The following CORIN variants were observed in gnomAD, a reference collection of about 807,000 sequenced individuals.
The protein encoded by CORIN is corin, serine peptidase.
In CORIN, 117 loss-of-function variants were observed where a neutral mutation model predicts 125.3. That is an observed-to-expected ratio of 0.93 (90% CI 0.80 to 1.09). The LOEUF (loss-of-function observed/expected upper bound fraction) is 1.09, where lower values mean the gene tolerates loss of function less well. CORIN is among the 50% of genes least tolerant of loss of function. The pLI, the probability that CORIN is intolerant of heterozygous loss-of-function variation, is 0.00. For synonymous variants in CORIN, 450 were observed against 466.4 expected (o/e 0.96, Z 0.45); for missense variants, 1,253 against 1,306.7 (o/e 0.96, Z 0.63).
chr4:47,652,025 T>C (rs1178874588), intron 13 of CORIN, among the ~76,000 whole-genome samples: 1 of 152,214 alleles, frequency 6.6e-6, no homozygotes, highest in Non-Finnish European at 1.5e-5. Context: ...AGATAATCTA[T>C]TTTAAATTGC....
chr4:47,831,173 G>A (rs1022450093), intron 1 of CORIN, among the ~76,000 whole-genome samples: 2 of 152,210 alleles, frequency 1.3e-5, no homozygotes, highest in Non-Finnish European at 2.9e-5. Context: ...CAACCAGCCT[G>A]ATTAAGCATT....
At chr4:47,617,923 T>C (rs1722131289) in intron 19 of CORIN, among the ~76,000 whole-genome samples, 1 of 152,064 alleles carries the variant, frequency 6.6e-6, no homozygotes, top group South Asian at 2.1e-4. Context: ...TGTTTAGAAA[T>C]AGGTGGAAGA....
At chr4:47,757,867 CATATATATATGTATATAT>C (rs1209511820) in intron 4 of CORIN, among the ~76,000 whole-genome samples, 1 of 91,746 alleles carries the variant, frequency 1.1e-5, no homozygotes, top group African/African-American at 4.9e-5. Context: ...CATATATATA[CATATATATATGTATATAT>C]ATATATATAT....
chr4:47,598,934 C>T (rs1326350582), intron 21 of CORIN, among the ~76,000 whole-genome samples: 2 of 152,154 alleles, frequency 1.3e-5, no homozygotes, highest in African/African-American at 2.4e-5. Context: ...AAGATATGGG[C>T]TTCCAAATAC....
chr4:47,766,479 G>A (rs181500704), intron 3 of CORIN, among the ~76,000 whole-genome samples: 2 of 152,052 alleles, frequency 1.3e-5, no homozygotes, highest in Admixed American at 6.5e-5. Flanking sequence ...CCAGAATGTC[G>A]TCACATGGCC....
intron 5 of CORIN, among the ~76,000 whole-genome samples, chr4:47,734,103 T>C (rs1360809911): frequency 6.6e-6 from 1 of 152,104 alleles, no homozygotes. Flanking sequence ...CCTGGGGGAC[T>C]GGATTTAAAA....
chr4:47,812,056 A>G (rs1057350185), intron 1 of CORIN, among the ~76,000 whole-genome samples: 5 of 152,224 alleles, frequency 3.3e-5, no homozygotes, highest in Non-Finnish European at 5.9e-5. Flanking sequence ...TTGTATTTTA[A>G]TCTCTTCATC....
intron 17 of CORIN, among the ~76,000 whole-genome samples, chr4:47,625,682 ATATT>A (rs1435718869): frequency 2.6e-5 from 4 of 152,160 alleles, no homozygotes; most frequent in African/African-American, 9.6e-5. Flanking sequence ...AGAGTCAGAT[ATATT>A]TATTTAGAGT....
At chr4:47,822,416 TCTC>T (rs1732558814) in intron 1 of CORIN, among the ~76,000 whole-genome samples, 1 of 152,176 alleles carries the variant, frequency 6.6e-6, no homozygotes, top group Admixed American at 6.5e-5. Flanking sequence ...ACCACCTAAT[TCTC>T]AGACCCCACT....
At chr4:47,654,531 C>CT (rs937536283) in intron 12 of CORIN, among the ~76,000 whole-genome samples, 6 of 152,132 alleles carry the variant, frequency 3.9e-5, no homozygotes, top group Non-Finnish European at 8.8e-5. Flanking sequence ...GATTGTGGGA[C>CT]TTTGCATTGG....
intron 2 of CORIN, among the ~76,000 whole-genome samples, chr4:47,787,627 T>A (rs1240113445): frequency 6.6e-6 from 1 of 152,154 alleles, no homozygotes; most frequent in Non-Finnish European, 1.5e-5. Flanking sequence ...ATTTAAAAAA[T>A]TTATTTCCAT....
At chr4:47,740,914 G>T (rs1687542846) in intron 5 of CORIN, among the ~76,000 whole-genome samples, 1 of 151,904 alleles carries the variant, frequency 6.6e-6, no homozygotes, top group Non-Finnish European at 1.5e-5. Context: ...AATGAAAGAA[G>T]TTGGACTCCT....
At chr4:47,701,300 C>G (rs939451893) in intron 5 of CORIN, among the ~76,000 whole-genome samples, 2 of 152,160 alleles carry the variant, frequency 1.3e-5, no homozygotes, top group African/African-American at 4.8e-5. Context: ...AACAAATGTT[C>G]AGAGAAAATC....
intron 5 of CORIN, among the ~76,000 whole-genome samples, chr4:47,703,117 G>A (rs951563704): frequency 2.0e-5 from 3 of 152,028 alleles, no homozygotes; most frequent in Non-Finnish European, 4.4e-5. Flanking sequence ...ACTATCTTCC[G>A]GATTGGATAA....
Position 47,611,346 on chromosome 4 carries a change from GT to G in CORIN, c.2541-7679del, listed in dbSNP as rs530796439. On this transcript the variant is annotated intron_variant, in intron 19 of 21. Transcript: ENST00000273857. ...GCTGTATTCTTAGGTATTTTATTCT[GT>G]TTGTAGCAATTGTGAATGGGAGTTC... Among the ~76,000 whole-genome samples the G allele has an allele frequency of 3.4e-4, 52 of 152,070 alleles. 2 individuals are homozygous for G. In the South Asian group the frequency reaches 0.011, roughly 32 times the overall value.
chr4:47,699,136 A>G (rs1369829337), intron 5 of CORIN, among the ~76,000 whole-genome samples: 6 of 152,220 alleles, frequency 3.9e-5, no homozygotes, highest in Admixed American at 3.9e-4. Flanking sequence ...CAAATAAACA[A>G]TGACCATCCT....
intron 5 of CORIN, among the ~76,000 whole-genome samples, chr4:47,696,962 A>G (rs1726039927): frequency 6.6e-6 from 1 of 152,130 alleles, no homozygotes; most frequent in Admixed American, 6.5e-5. Context: ...CCTGTCTTTG[A>G]GTCCTTGCTG....
At chr4:47,694,037 T>C (rs1725878519) in intron 5 of CORIN, among the ~76,000 whole-genome samples, 1 of 152,346 alleles carries the variant, frequency 6.6e-6, no homozygotes. Flanking sequence ...ATACCATCAT[T>C]GTTTAAAATG....
At chr4:47,709,347 G>C (rs1408012133) in intron 5 of CORIN, among the ~76,000 whole-genome samples, 1 of 151,992 alleles carries the variant, frequency 6.6e-6, no homozygotes, top group Non-Finnish European at 1.5e-5. Flanking sequence ...ATGCTTGAGT[G>C]CAGTGGCACA....
Sources: allele counts gnomAD v4.1 joint callset (sites outside exome capture counted in the v4.1 genomes callset), GRCh38; gene constraint gnomAD v4.1.1; transcripts MANE v1.5; gene names NCBI Gene and HGNC (gene_info 2026-07-23, HGNC 2026-07-21).